CAB39L: variants seen among roughly 807,000 people sequenced by gnomAD.
The protein encoded by CAB39L is calcium binding protein 39 like.
In CAB39L, 23 loss-of-function variants were observed where a neutral mutation model predicts 39.1. The ratio of observed to expected loss-of-function variants is 0.59; its 90% CI spans 0.42 to 0.83. The LOEUF is 0.83. CAB39L is among the 40% of genes least tolerant of loss of function. CAB39L has a pLI of 0.00. For missense variants in CAB39L, 366 were observed against 391.9 expected (o/e 0.93, Z 0.56); for synonymous variants, 126 against 137.2 (o/e 0.92, Z 0.57).
At chr13:49,425,008 G>A (rs771936566) in intron 3 of CAB39L, among the ~76,000 whole-genome samples, 7 of 151,948 alleles carry the variant, frequency 4.6e-5, no homozygotes, top group South Asian at 2.1e-4. Flanking sequence ...CAGAAAACAC[G>A]GCCAAAAACT....
chr13:49,393,357 A>G (rs1956530975), intron 3 of CAB39L, among the ~76,000 whole-genome samples: 1 of 152,068 alleles, frequency 6.6e-6, no homozygotes, highest in Admixed American at 6.6e-5. Context: ...ACAAAACCTT[A>G]ATTTCGAAAA....
At chr13:49,366,626 T>TAAAAA (rs770961088) in intron 5 of CAB39L, among the ~76,000 whole-genome samples, 3 of 62,302 alleles carry the variant, frequency 4.8e-5, no homozygotes, top group African/African-American at 7.0e-5. Context: ...AAACTCTGTC[T>TAAAAA]AAAAAAAAAA....
intron 1 of CAB39L, among the ~76,000 whole-genome samples, chr13:49,441,620 T>C (rs909656709): frequency 6.6e-6 from 1 of 152,166 alleles, no homozygotes; most frequent in Admixed American, 6.5e-5. Context: ...ATGCTGGAGT[T>C]TAAAAAAATC....
At chr13:49,345,612 CT>C (rs200333863) in intron 7 of CAB39L, among the ~76,000 whole-genome samples, 3 of 151,960 alleles carry the variant, frequency 2.0e-5, no homozygotes, top group African/African-American at 7.3e-5. Context: ...GGTCCCTACT[CT>C]TTTTTTTAAA....
chr13:49,353,989 A>T (rs1336697736), intron 6 of CAB39L, among the ~76,000 whole-genome samples: 1 of 152,136 alleles, frequency 6.6e-6, no homozygotes, highest in Non-Finnish European at 1.5e-5. Context: ...TGAGAGTCAA[A>T]CTCTGACGTA....
At chr13:49,327,439 G>A (rs537335364) in intron 10 of CAB39L, among the ~76,000 whole-genome samples, 117 of 151,798 alleles carry the variant, frequency 7.7e-4, no homozygotes, top group Non-Finnish European at 5.3e-4. Context: ...GAGTATCTGG[G>A]ACTACAGGCA....
At chr13:49,420,117 T>C (rs1957149392) in intron 3 of CAB39L, among the ~76,000 whole-genome samples, 1 of 152,220 alleles carries the variant, frequency 6.6e-6, no homozygotes, top group African/African-American at 2.4e-5. Context: ...TTTAGATATC[T>C]GTGAAAGGAC....
At chr13:49,399,415 T>C (rs1317000861) in intron 3 of CAB39L, among the ~76,000 whole-genome samples, 1 of 152,112 alleles carries the variant, frequency 6.6e-6, no homozygotes, top group African/African-American at 2.4e-5. Flanking sequence ...AGCATTCATA[T>C]TTAGAATAAA....
chr13:49,353,217 ACCTGAAACTCAG>A (rs962605276), intron 6 of CAB39L, among the ~76,000 whole-genome samples: 9 of 152,206 alleles, frequency 5.9e-5, no homozygotes, highest in African/African-American at 2.2e-4. Context: ...TATTAGAAAA[ACCTGAAACTCAG>A]CCTATTGGCT....
At chr13:49,327,275 T>G (rs1954531596) in intron 10 of CAB39L, among the ~76,000 whole-genome samples, 1 of 152,194 alleles carries the variant, frequency 6.6e-6, no homozygotes, top group Non-Finnish European at 1.5e-5. Flanking sequence ...TATCCTGAAT[T>G]TGGCATTTGG....
chr13:49,331,266 C>T (rs1954685234), intron 10 of CAB39L, among the ~76,000 whole-genome samples: 1 of 151,922 alleles, frequency 6.6e-6, no homozygotes, highest in South Asian at 2.1e-4. Context: ...GAGATCAAGA[C>T]CACCCTGGCT....
At position 49,377,030 on chromosome 13, in the gene CAB39L, T is replaced by C; in HGVS notation, c.213A>G (p.Gln71=). ...CTAGCAGGCCACTGCTGTAGAGTTC[T>C]TGTGCTAGCTGAGCCACTGCTTCTG... is the stretch of plus-strand genomic sequence containing the variant. ...PPTEAVAQLA[Q]ELYSSGLLVT... Residue 71 remains glutamine, a synonymous_variant, in exon 5 of 11, where the codon CAA becomes CAG. Coordinates refer to ENST00000409308, the MANE Select transcript of CAB39L (RefSeq NM_001079670.3). 4 of 1,613,944 alleles carry C rather than the reference T, an allele frequency of 2.5e-6. No individual in the cohort carries two copies. The South Asian group carries it at 3.3e-5, about 13-fold the overall frequency.
intron 3 of CAB39L, chr13:49,392,954 AAG>A: frequency 6.6e-6 from 1 of 152,310 alleles, no homozygotes; most frequent in Non-Finnish European, 1.5e-5. Flanking sequence ...AATTAAAACC[AAG>A]AGAGATACAA....
chr13:49,389,458 T>C (rs1306707315), intron 3 of CAB39L, among the ~76,000 whole-genome samples: 2 of 152,046 alleles, frequency 1.3e-5, no homozygotes, highest in African/African-American at 4.8e-5. Flanking sequence ...ATGGCCAACA[T>C]GGGGAAACCC....
chr13:49,401,391 T>C (rs935430873), intron 3 of CAB39L: 2 of 152,216 alleles, frequency 1.3e-5, no homozygotes, highest in Non-Finnish European at 2.9e-5. Context: ...ACTTGAACAC[T>C]CACATAGGGC....
chr13:49,349,469 T>C (rs113670952), intron 7 of CAB39L, among the ~76,000 whole-genome samples: 2 of 149,674 alleles, frequency 1.3e-5, no homozygotes, highest in South Asian at 2.1e-4. Flanking sequence ...TATATATATA[T>C]ATATATATAC....
At position 49,433,330 on chromosome 13, in the gene CAB39L, A is replaced by G. The variant is rs895493685; in HGVS notation, c.-44T>C. On this transcript the variant is annotated 5_prime_UTR_variant, in exon 3 of 11. Coordinates refer to ENST00000409308, the MANE Select transcript of CAB39L (RefSeq NM_001079670.3). Reference sequence around the variant, plus strand: ...CATACTAGCTTACCTTAGAAGTTGTATATCATTTGCAAATTTGTTTGAACC... The same window carrying G: ...CATACTAGCTTACCTTAGAAGTTGTGTATCATTTGCAAATTTGTTTGAACC... 5 of 453,744 alleles carry G rather than the reference A, an allele frequency of 1.1e-5. No individual in the cohort carries two copies. The highest frequency in any genetic ancestry group is 4.0e-5 in the African/African-American group (2 of 49,932). The allele number at this position is 453,744 out of a possible 1,614,324, so 28.1% of individuals were successfully genotyped here. A position where few individuals can be genotyped will look rare whatever the true frequency, so the allele number is the denominator to read the frequency against.
intron 3 of CAB39L, among the ~76,000 whole-genome samples, chr13:49,385,178 G>A (rs1344583358): frequency 6.6e-6 from 1 of 152,198 alleles, no homozygotes; most frequent in Admixed American, 6.5e-5. Flanking sequence ...ACTTGCTGCA[G>A]CTTCTATAAA....
At chr13:49,407,386 A>T (rs9591257) in intron 3 of CAB39L, among the ~76,000 whole-genome samples, 3,604 of 152,276 alleles carry the variant, frequency 0.024, 142 homozygotes, top group African/African-American at 0.081. Context: ...TACTATAACA[A>T]TTCACTAGCA....
Sources: allele counts gnomAD v4.1 joint callset (sites outside exome capture counted in the v4.1 genomes callset), GRCh38; gene constraint gnomAD v4.1.1; transcripts MANE v1.5; gene names NCBI Gene and HGNC (gene_info 2026-07-23, HGNC 2026-07-21).